The following KRT2 variants were observed in gnomAD, a reference collection of about 807,000 sequenced individuals.
KRT2 encodes the protein keratin, type II cytoskeletal 2 epidermal.
KRT2 carries 37 observed loss-of-function variants against 48.5 expected under a neutral mutation model. That is an observed-to-expected ratio of 0.76 (90% CI 0.59 to 1.00). The LOEUF is 1.00. KRT2 is among the 50% of genes least tolerant of loss of function. The probability of loss-of-function intolerance (pLI) is 0.00; values close to 1 mark genes in which losing one functional copy is unlikely to be tolerated. For synonymous variants in KRT2, 324 were observed against 312.2 expected, an observed-to-expected ratio of 1.04 and a Z score of -0.40; for missense variants, 880 against 815.2, an observed-to-expected ratio of 1.08 and a Z score of -0.97.
At position 52,647,856 on chromosome 12, in the gene KRT2, C is replaced by G; in HGVS notation, c.1123-1G>C. ...CGACAGTCACCTGGAGCTCCTCATA[C>G]TGATATGGGGAGAAGAGGACAGTTT... On this transcript the variant is annotated splice_acceptor_variant, in intron 5 of 8. Transcript: ENST00000309680. LOFTEE classifies it high-confidence loss of function. The G allele has an allele frequency of 6.2e-7, 1 of 1,614,046 alleles. No individual in the cohort carries two copies. The highest frequency in any genetic ancestry group is 1.1e-5 in the South Asian group (1 of 91,050).
chr12:52,650,788 C>T (rs1447314695), intron 1 of KRT2: 1 of 569,282 alleles, frequency 1.8e-6, no homozygotes, highest in Non-Finnish European at 3.2e-6. Flanking sequence ...TTTGCTGCTT[C>T]ACTGCTCACT....
At chr12:52,649,995 C>G in intron 2 of KRT2, 21 bp from the exon 3 acceptor site, 2 of 1,584,450 alleles carry the variant, frequency 1.3e-6, no homozygotes, top group Non-Finnish European at 1.7e-6. Context: ...ACAGATGTTA[C>G]AGCAGTTAGA....
chr12:52,652,087 A>C lies in KRT2; in HGVS notation c.56T>G (p.Phe19Cys). Residue 19 changes from phenylalanine to cysteine, a missense_variant, in exon 1 of 9, where the codon TTC (phenylalanine) becomes TGC (cysteine). Phe to Cys is a radical substitution (Grantham distance 205). Coordinates refer to ENST00000309680, the MANE Select transcript of KRT2 (RefSeq NM_000423.3). ...AGCTGAGCCGCTGCTGAAGCCCCGG[A>C]ATCCTCCTCCACCTCCTCCTCTTCC... ...SRGRGGGGGG[F>C]RGFSSGSAVV... 6.3e-7 allele frequency: 1 copy of C among 1,594,678 alleles called. No homozygotes were observed. Among genetic ancestry groups the C allele is most frequent in the Non-Finnish European group, 8.5e-7 (1 of 1,176,736 alleles).
At chr12:52,647,971 T>C (rs1941194018) in intron 5 of KRT2, 116 bp from the exon 6 acceptor site, 1 of 1,370,840 alleles carries the variant, frequency 7.3e-7, no homozygotes, top group Non-Finnish European at 1.0e-6. Flanking sequence ...CCCAGCTAAA[T>C]GTCATGGCTG....
Position 52,647,863 on chromosome 12 carries a change from G to A in KRT2, c.1123-8C>T. On this transcript the variant is annotated splice_polypyrimidine_tract_variant and splice_region_variant and intron_variant, in intron 5 of 8. Coordinates refer to ENST00000309680, the MANE Select transcript of KRT2 (RefSeq NM_000423.3). ...CACCTGGAGCTCCTCATACTGATAT[G>A]GGGAGAAGAGGACAGTTTGCAAGGA... is the stretch of plus-strand genomic sequence containing the variant. 1.2e-6 allele frequency: 2 copies of A among 1,613,986 alleles called. No individual in the cohort carries two copies. The highest frequency in any genetic ancestry group is 8.5e-7 in the Non-Finnish European group (1 of 1,179,972).
At position 52,650,495 on chromosome 12, in the gene KRT2, T is replaced by A; in HGVS notation, c.644A>T (p.Gln215Leu). 2 of 1,613,450 alleles carry A rather than the reference T, an allele frequency of 1.2e-6. No homozygotes were observed. The highest frequency in any genetic ancestry group is 3.3e-5 in the Admixed American group (2 of 60,014). ...VLQTKWELLQQMNVGTRPINL... is the reference protein window; with the variant it reads ...VLQTKWELLQLMNVGTRPINL... ...GATGGGGCGGGTGCCAACATTCATT[T>A]GTTGTAGCAGCTCCCATTTGGTCTG... Residue 215 changes from glutamine (Q) to leucine (L), a missense_variant, in exon 2 of 9, where the codon CAA becomes CTA. Transcript: ENST00000309680.
chr12:52,651,913 G>A lies in KRT2; in HGVS notation c.230C>T (p.Ala77Val), dbSNP rs1188059408. The A allele has an allele frequency of 2.5e-6, 4 of 1,613,266 alleles. No homozygotes were observed. The highest frequency in any genetic ancestry group is 1.7e-5 in the Admixed American group (1 of 59,932). The change falls in exon 1 of 9, where the codon GCT becomes GTT. Residue 77 changes from alanine (A) to valine (V), a missense_variant. Coordinates refer to ENST00000309680, the MANE Select transcript of KRT2 (RefSeq NM_000423.3). ...GGCGCCAAAGCCACCACCTCCTCCA[G>A]CCACACTAATGGAGATGCTCTTGGT... ...GGTKSISISV[A>V]GGGGGFGAAG...
chr12:52,649,911 C>T lies in KRT2; in HGVS notation c.861+3G>A, dbSNP rs749991374. On this transcript the variant is annotated splice_donor_region_variant and intron_variant, in intron 3 of 8. Transcript: ENST00000309680. ...CCCCCAGCCAAGACATTCTCTCGCT[C>T]ACCTTTTTAAGCGTCACAAAATCAT... 6.8e-6 allele frequency: 11 copies of T among 1,612,550 alleles called. No homozygotes were observed. Among genetic ancestry groups the T allele is most frequent in the Non-Finnish European group, 9.3e-6 (11 of 1,178,548 alleles).
In KRT2 at chr12:52,651,980, C is replaced by T; in HGVS notation, c.163G>A (p.Gly55Arg). Residue 55 changes from glycine (G) to arginine (R), a missense_variant, in exon 1 of 9, where the codon GGA (glycine) becomes AGA (arginine). Gly to Arg is a moderately radical substitution (Grantham distance 125). Transcript: ENST00000309680. ...AGACTCCGACTGCCAAAGCCGCCTC[C>T]ACCGAAGCCCCCGCCACCACCACCA... ...RHGGGGGGFGGGGFGSRSLVG... is the reference protein window; with the variant it reads ...RHGGGGGGFGRGGFGSRSLVG... 6.2e-7 allele frequency: 1 copy of T among 1,613,438 alleles called. No individual in the cohort carries two copies. The highest frequency in any genetic ancestry group is 1.1e-5 in the South Asian group (1 of 91,068).
At chr12:52,645,504 C>G (rs368927617) in intron 8 of KRT2, 31 bp downstream of exon 8, 5 of 1,614,026 alleles carry the variant, frequency 3.1e-6, no homozygotes, top group Non-Finnish European at 4.2e-6. Context: ...ACACAACACC[C>G]CATGGAACAG....
chr12:52,646,710 G>T lies in KRT2; in HGVS notation c.1469+30C>A, dbSNP rs755497928. On this transcript the variant is annotated intron_variant, in intron 7 of 8. Coordinates refer to ENST00000309680, the MANE Select transcript of KRT2 (RefSeq NM_000423.3). ...TGGGAGAGATGAGAGGAAGGGCCAG[G>T]GTCCCCTTCTCCCTTCCCAGTGCCC... 12 of 1,610,844 alleles carry T rather than the reference G, an allele frequency of 7.4e-6. 1 individual carries two copies. Among genetic ancestry groups the T allele is most frequent in the Middle Eastern group, 1.7e-4 (1 of 6,034 alleles).
At position 52,650,501 on chromosome 12, in the gene KRT2, A is replaced by T; in HGVS notation, c.638T>A (p.Leu213Gln). 6.2e-7 allele frequency: 1 copy of T among 1,613,434 alleles called. No individual in the cohort carries two copies. Among genetic ancestry groups the T allele is most frequent in the Non-Finnish European group, 8.5e-7 (1 of 1,180,020 alleles). Reference sequence around the variant, plus strand: ...GCGGGTGCCAACATTCATTTGTTGTAGCAGCTCCCATTTGGTCTGTAACAC... The same window carrying T: ...GCGGGTGCCAACATTCATTTGTTGTTGCAGCTCCCATTTGGTCTGTAACAC... ...NQVLQTKWEL[L>Q]QQMNVGTRPI... Residue 213 changes from leucine (L) to glutamine (Q), a missense_variant, in exon 2 of 9, where the codon CTA becomes CAA. By Grantham distance (113) the Leu-to-Gln change is moderately radical. Coordinates refer to ENST00000309680, the MANE Select transcript of KRT2 (RefSeq NM_000423.3).
Position 52,644,809 on chromosome 12 carries a change from A to T in KRT2, c.*210T>A. 3 of 618,156 alleles carry T rather than the reference A, an allele frequency of 4.9e-6. No individual in the cohort carries two copies. The Middle Eastern group carries it at 1.3e-3, about 271-fold the overall frequency. 38.3% of individuals were successfully genotyped at this position (618,156 alleles called of 1,614,324 possible). On this transcript the variant is annotated 3_prime_UTR_variant, in exon 9 of 9. Transcript: ENST00000309680. ...ACCTAGACAGCACAGATTCCGCCCC[A>T]GAACACAGAGGCGTCACTGGCTCTA...
rs1269952852 is a variant in KRT2 at position 52,650,496 on chromosome 12, G to C, written c.643C>G (p.Gln215Glu). ...ATGGGGCGGGTGCCAACATTCATTT[G>C]TTGTAGCAGCTCCCATTTGGTCTGT... ...VLQTKWELLQ[Q>E]MNVGTRPINL... Residue 215 changes from glutamine to glutamate, a missense_variant, in exon 2 of 9, where the codon CAA becomes GAA. Physicochemically the swap from Gln to Glu is conservative, Grantham distance 29. Coordinates refer to ENST00000309680, the MANE Select transcript of KRT2 (RefSeq NM_000423.3). The C allele has an allele frequency of 6.2e-7, 1 of 1,613,506 alleles. No individual in the cohort carries two copies. Among genetic ancestry groups the C allele is most frequent in the Admixed American group, 1.7e-5 (1 of 60,034 alleles).
chr12:52,649,788 G>A (rs1049128774), intron 3 of KRT2, 126 bp downstream of exon 3: 3 of 769,334 alleles, frequency 3.9e-6, no homozygotes, highest in African/African-American at 1.7e-5. Flanking sequence ...ATGTGCCATG[G>A]GTCTCACTCC....
intron 4 of KRT2, 26 bp from the exon 5 acceptor site, chr12:52,648,363 A>G (rs1565639420): frequency 2.5e-6 from 4 of 1,609,550 alleles, no homozygotes; most frequent in East Asian, 2.2e-5. Context: ...AGGTCTGGTC[A>G]TGACATCCTG....
chr12:52,650,467 G>T lies in KRT2; in HGVS notation c.672C>A (p.Asn224Lys). Residue 224 changes from asparagine (N) to lysine (K), a missense_variant, in exon 2 of 9, where the codon AAC (asparagine) becomes AAA (lysine). Physicochemically the swap from Asn to Lys is moderately conservative, Grantham distance 94. Transcript: ENST00000309680. Reference sequence around the variant, plus strand: ...TATACCCCTGGAAGATGGGCTCCAGGTTGATGGGGCGGGTGCCAACATTCA... The same window carrying T: ...TATACCCCTGGAAGATGGGCTCCAGTTTGATGGGGCGGGTGCCAACATTCA... ...QQMNVGTRPI[N>K]LEPIFQGYID... 6.2e-7 allele frequency: 1 copy of T among 1,614,062 alleles called. No homozygotes were observed. Among genetic ancestry groups the T allele is most frequent in the East Asian group, 2.2e-5 (1 of 44,896 alleles).
chr12:52,647,640 A>G (rs1443656114), intron 6 of KRT2, 90 bp downstream of exon 6: 2 of 1,474,188 alleles, frequency 1.4e-6, no homozygotes, highest in Middle Eastern at 2.1e-4. Context: ...AGTGTCTCTC[A>G]TCTCTCACAT....
chr12:52,647,975 A>C, intron 5 of KRT2, 120 bp from the exon 6 acceptor site: 4 of 1,350,814 alleles, frequency 3.0e-6, no homozygotes, highest in South Asian at 1.2e-5. Flanking sequence ...GCTAAATGTC[A>C]TGGCTGCATT....
Sources: allele counts gnomAD v4.1 joint callset, GRCh38; gene constraint gnomAD v4.1.1; transcripts MANE v1.5; gene names NCBI Gene and HGNC (gene_info 2026-07-23, HGNC 2026-07-21).